The following INSR variants were observed in gnomAD, a reference collection of about 807,000 sequenced individuals.
The protein encoded by INSR is IR.
INSR carries 67 observed loss-of-function variants against 142.6 expected under a neutral mutation model. The ratio of observed to expected loss-of-function variants is 0.47; its 90% CI spans 0.39 to 0.58. The LOEUF is 0.58. Ranked by LOEUF, INSR falls within the 20% of genes least tolerant of loss-of-function variation. The pLI, the probability that INSR is intolerant of heterozygous loss-of-function variation, is 0.00. For synonymous variants in INSR, 756 were observed against 743.1 expected, an observed-to-expected ratio of 1.02 and a Z score of -0.28; for missense variants, 1,248 against 1,833.2, an observed-to-expected ratio of 0.68 and a Z score of 5.83.
Position 7,166,965 on chromosome 19 carries a change from G to A in INSR, c.1611-561C>T, listed in dbSNP as rs966851810. On this transcript the variant is annotated intron_variant, in intron 7 of 21. Transcript: ENST00000302850. This position sits in a 1 kb window ranked among gnomAD's most constrained non-coding sequence, Gnocchi z 4.1. ...AATAAATAAATGCTTGGGACCAGAA[G>A]TGTTTTGGATTTTGGATATTTTGGG... is the stretch of plus-strand genomic sequence containing the variant. Among the ~76,000 whole-genome samples, 1 of 152,036 alleles carries A rather than the reference G, an allele frequency of 6.6e-6. No individual in the cohort carries two copies. Among genetic ancestry groups the A allele is most frequent in the African/African-American group, 2.4e-5 (1 of 41,410 alleles).
At chr19:7,157,634 C>T (rs767604285) in intron 9 of INSR, among the ~76,000 whole-genome samples, 6 of 151,954 alleles carry the variant, frequency 3.9e-5, no homozygotes, top group African/African-American at 1.2e-4. Flanking sequence ...TTGTGACCCA[C>T]GGTGCAAGCA....
chr19:7,190,539 T>G (rs935532105), intron 2 of INSR, among the ~76,000 whole-genome samples: 3 of 152,044 alleles, frequency 2.0e-5, no homozygotes, highest in African/African-American at 7.2e-5. Context: ...GCCCAGCTAA[T>G]TTTTGTATTT....
chr19:7,264,820 C>G (rs1404864078), intron 2 of INSR, among the ~76,000 whole-genome samples: 1 of 152,172 alleles, frequency 6.6e-6, no homozygotes, highest in African/African-American at 2.4e-5. Context: ...GGTCCCCTCT[C>G]CCACCACCCT....
Position 7,141,822 on chromosome 19 carries a change from A to C in INSR, c.2543-6T>G, listed in dbSNP as rs1973076163. The C allele has an allele frequency of 6.2e-7, 1 of 1,613,246 alleles. No homozygotes were observed. Among genetic ancestry groups the C allele is most frequent in the Non-Finnish European group, 8.5e-7 (1 of 1,179,330 alleles). On this transcript the variant is annotated splice_polypyrimidine_tract_variant and splice_region_variant and intron_variant, in intron 12 of 21. Transcript: ENST00000302850. ...AACAATGTCATCAGCCTTGGCTGTA[A>C]GGAGAGGAAGTGAGAGGCAGGGATG...
At chr19:7,126,688 C>G (rs1568431159) in intron 15 of INSR, 37 bp from the exon 16 acceptor site, 1 of 1,538,368 alleles carries the variant, frequency 6.5e-7, no homozygotes, top group Admixed American at 2.0e-5. Context: ...GCTTGAGATT[C>G]TCATGGGACT....
chr19:7,174,462 A>C, intron 4 of INSR, 121 bp downstream of exon 4: 1 of 1,121,416 alleles, frequency 8.9e-7, no homozygotes, highest in South Asian at 1.2e-5. Flanking sequence ...CCACTGAACG[A>C]CCATCCTAAA....
chr19:7,198,822 G>A (rs1974866800), intron 2 of INSR, among the ~76,000 whole-genome samples: 2 of 152,236 alleles, frequency 1.3e-5, no homozygotes, highest in South Asian at 4.1e-4. Context: ...TGTCCCCATT[G>A]AATTTGCAGT....
chr19:7,187,015 TTC>T (rs760026194), intron 2 of INSR, among the ~76,000 whole-genome samples: 157 of 152,040 alleles, frequency 1.0e-3, no homozygotes, highest in Non-Finnish European at 9.0e-4. Flanking sequence ...CCATTTTACT[TTC>T]TGTCTCTGTG....
At chr19:7,201,853 G>A (rs1315945252) in intron 2 of INSR, among the ~76,000 whole-genome samples, 1 of 151,744 alleles carries the variant, frequency 6.6e-6, no homozygotes, top group Non-Finnish European at 1.5e-5. Flanking sequence ...AGTAGAGACG[G>A]GGTTTCACCG....
chr19:7,125,519 A>G lies in INSR; in HGVS notation c.3022T>C (p.Cys1008Arg), dbSNP rs1972625395. Residue 1008 changes from cysteine to arginine, a missense_variant, in exon 17 of 22, where the codon TGC (cysteine) becomes CGC (arginine). Around this residue, in one of 3 missense-constraint regions of INSR, gnomAD observed 1,069 missense variants for 1,654.0 expected, o/e 0.65. Coordinates refer to ENST00000302850, the MANE Select transcript of INSR (RefSeq NM_000208.4). This position sits in a 1 kb window ranked among gnomAD's most constrained non-coding sequence, Gnocchi z 4.9. Reference protein sequence around the residue: ...EYLSASDVFPCSVYVPDEWEV... With the variant: ...EYLSASDVFPRSVYVPDEWEV... ...CACTCGTCCGGCACGTACACAGAGC[A>G]TGGAAACACTACTTCTTACTTATCT... 1 of 1,613,458 alleles carries G rather than the reference A, an allele frequency of 6.2e-7. No homozygotes were observed. The highest frequency in any genetic ancestry group is 1.3e-5 in the African/African-American group (1 of 74,840).
At chr19:7,205,348 T>G (rs1975080474) in intron 2 of INSR, among the ~76,000 whole-genome samples, 1 of 152,204 alleles carries the variant, frequency 6.6e-6, no homozygotes, top group Non-Finnish European at 1.5e-5. Flanking sequence ...GGTTGTTAAT[T>G]TCCTCAGAAG....
chr19:7,161,063 CT>C, intron 9 of INSR, among the ~76,000 whole-genome samples: 1 of 148,570 alleles, frequency 6.7e-6, no homozygotes, highest in East Asian at 2.0e-4. Context: ...TAGTTTGAGA[CT>C]TTAAATATTA....
Position 7,143,015 on chromosome 19 carries a change from G to A in INSR, c.2343C>T (p.Pro781=). ...TGGGCACGCTGGTCGAGGAAGTGTT[G>A]GGGAAAGCTGCCACCGTGGGCACGG... ...TVAVPTVAAF[P]NTSSTSVPTS... Residue 781 remains proline, a synonymous_variant, in exon 12 of 22, where the codon CCC becomes CCT. Transcript: ENST00000302850. The A allele has an allele frequency of 1.2e-6, 2 of 1,614,144 alleles. No homozygotes were observed. Among genetic ancestry groups the A allele is most frequent in the African/African-American group, 2.7e-5 (2 of 75,042 alleles).
rs115704106 is a variant in INSR at position 7,206,436 on chromosome 19, G to A, written c.653-21799C>T. Among the ~76,000 whole-genome samples the A allele has an allele frequency of 2.7e-3, 406 of 152,290 alleles. 3 individuals carry two copies. The highest frequency in any genetic ancestry group is 9.1e-3 in the African/African-American group (380 of 41,562). ...CCAGGCTGCACAGCAGTGGACGAGG[G>A]GCGGGCGAGCGATGGAAGCTTCATC... is the stretch of plus-strand genomic sequence containing the variant. On this transcript the variant is annotated intron_variant, in intron 2 of 21. Transcript: ENST00000302850.
At position 7,152,757 on chromosome 19, in the gene INSR, C is replaced by T. The variant is rs1403001456; in HGVS notation, c.2200G>A (p.Asp734Asn). The T allele has an allele frequency of 1.2e-6, 2 of 1,612,950 alleles. No homozygotes were observed. The highest frequency in any genetic ancestry group is 2.7e-5 in the African/African-American group (2 of 74,824). ...ACGAAAACCACGTTGTGCAGGTAAT[C>T]CTCAAACGTCTTCCTAAACGAGGAC... ...EESSFRKTFE[D>N]YLHNVVFVPR... is the part of the protein sequence containing the mutation. The change falls in exon 10 of 22, where the codon GAT (aspartate) becomes AAT (asparagine). Residue 734 changes from aspartate to asparagine, a missense_variant. Asp to Asn is a conservative substitution (Grantham distance 23). Around this residue, in one of 3 missense-constraint regions of INSR, gnomAD observed 1,069 missense variants for 1,654.0 expected, o/e 0.65. Transcript: ENST00000302850.
chr19:7,127,057 C>A (rs1482694064), intron 15 of INSR, among the ~76,000 whole-genome samples: 1 of 152,148 alleles, frequency 6.6e-6, no homozygotes, highest in Non-Finnish European at 1.5e-5. Context: ...CACCACCACA[C>A]CTGGCTAATT....
rs1016133125 is a variant in INSR at position 7,119,731 on chromosome 19, C to G, written c.3660-148G>C. On this transcript the variant is annotated intron_variant, in intron 20 of 21. Coordinates refer to ENST00000302850, the MANE Select transcript of INSR (RefSeq NM_000208.4). This position sits in a 1 kb window ranked among gnomAD's most constrained non-coding sequence, Gnocchi z 5.2. ...GCAAACACACACATGCAAACACACA[C>G]GCACATACACGTGCACACACATGCA... 2 of 861,176 alleles carry G rather than the reference C, an allele frequency of 2.3e-6. No homozygotes were observed. Among genetic ancestry groups the G allele is most frequent in the Non-Finnish European group, 3.8e-6 (2 of 528,528 alleles). 53.3% of individuals were successfully genotyped at this position (861,176 alleles called of 1,614,324 possible).
intron 2 of INSR, among the ~76,000 whole-genome samples, chr19:7,228,490 C>G (rs1325233102): frequency 6.6e-6 from 1 of 152,178 alleles, no homozygotes. Flanking sequence ...GCATTCCACT[C>G]AAATCAGAAA....
At chr19:7,248,485 C>CAAAAAA (rs758091489) in intron 2 of INSR, among the ~76,000 whole-genome samples, 1 of 35,408 alleles carries the variant, frequency 2.8e-5, no homozygotes, top group African/African-American at 1.4e-4. Context: ...GACCCCATCT[C>CAAAAAA]AAAAAAAAAA....
Sources: allele counts gnomAD v4.1 joint callset (sites outside exome capture counted in the v4.1 genomes callset), GRCh38; gene constraint gnomAD v4.1.1; regional missense constraint gnomAD v4.1.1; non-coding constraint Gnocchi (gnomAD v3.1); transcripts MANE v1.5; gene names NCBI Gene and HGNC (gene_info 2026-07-23, HGNC 2026-07-21).